The following WDR90 variants were observed in gnomAD, a reference collection of about 807,000 sequenced individuals.
The protein encoded by WDR90 is WD repeat domain 90.
In WDR90, 238 loss-of-function variants were observed where a neutral mutation model predicts 195.2. The ratio of observed to expected loss-of-function variants is 1.22; its 90% CI spans 1.10 to 1.36. WDR90 has a LOEUF of 1.36. Among genes scored for constraint, WDR90 ranks in the 40% most tolerant of loss-of-function variants. The pLI is 0.00. For synonymous variants in WDR90, 1,265 were observed against 1,052.4 expected, an observed-to-expected ratio of 1.20 and a Z score of -3.91; for missense variants, 2,734 against 2,439.5, an observed-to-expected ratio of 1.12 and a Z score of -2.54.
In WDR90 at chr16:666,144, G is replaced by T. The variant is rs2038024597; in HGVS notation, c.4609+20G>T. On this transcript the variant is annotated intron_variant, in intron 36 of 40. Transcript: ENST00000293879. ...CCGATGGTGAGGAGTTGGGTGTGTT[G>T]GGGATGGTGCCGTCCTGACCTGGCC... is the stretch of plus-strand genomic sequence containing the variant. The T allele has an allele frequency of 1.2e-6, 2 of 1,607,612 alleles. No individual in the cohort carries two copies. The highest frequency in any genetic ancestry group is 4.5e-5 in the East Asian group (2 of 44,708).
At chr16:666,863 C>G (rs2038081758) in intron 39 of WDR90, 42 bp from the exon 40 acceptor site, 1 of 1,612,918 alleles carries the variant, frequency 6.2e-7, no homozygotes, top group Non-Finnish European at 8.5e-7. Context: ...CTGGCTGAGC[C>G]CTGAGCCCAC....
upstream of WDR90, chr16:649,326 A>G (rs73487414): frequency 2.3e-6 from 3 of 1,298,550 alleles, no homozygotes; most frequent in Admixed American, 4.1e-5. Flanking sequence ...CGGAAGTGGC[A>G]CCGTTGCCAG....
chr16:663,187 C>G, intron 34 of WDR90: 1 of 391,378 alleles, frequency 2.6e-6, no homozygotes, highest in Non-Finnish European at 5.0e-6. Flanking sequence ...CCTGTGATCC[C>G]AGCACTCTGG....
rs967108817 is a variant in WDR90 at position 661,893 on chromosome 16, G to C, written c.3867G>C (p.Val1289=). ...TGGCCACTCTCATACTTTGCCAGGT[G>C]CGTCGAGAGCCAGTCCCAGAGGCAG... ...QQRGADISLQ[V]RREPVPEAVG... is the part of the protein sequence containing the mutation. Residue 1289 remains valine, a splice_region_variant and synonymous_variant, in exon 32 of 41, where the codon GTG becomes GTC. Transcript: ENST00000293879. 1.2e-6 allele frequency: 2 copies of C among 1,607,100 alleles called. No individual in the cohort carries two copies. Among genetic ancestry groups the C allele is most frequent in the African/African-American group, 1.3e-5 (1 of 74,960 alleles).
At position 661,963 on chromosome 16, in the gene WDR90, C is replaced by T. The variant is rs1228055533; in HGVS notation, c.3937C>T (p.Leu1313=). ...CTCGCTCTGCTACGGGGCACCTCCCCTGCTCTATTGTGGCACCAGCTCTGG... is the reference window on the plus strand; with the variant it reads ...CTCGCTCTGCTACGGGGCACCTCCCTTGCTCTATTGTGGCACCAGCTCTGG... The part of the protein sequence containing the change: ...LTSLCYGAPP[L]LYCGTSSGQV... The change falls in exon 32 of 41, where the codon CTG becomes TTG. Residue 1313 remains leucine, a synonymous_variant. Transcript: ENST00000293879. 1.9e-5 allele frequency: 31 copies of T among 1,607,016 alleles called. No individual in the cohort carries two copies. Among genetic ancestry groups the T allele is most frequent in the Non-Finnish European group, 2.5e-5 (30 of 1,179,924 alleles).
chr16:662,261 A>C lies in WDR90; in HGVS notation c.4075A>C (p.Ser1359Arg). The change falls in exon 33 of 41, where the codon AGC becomes CGC. Residue 1359 changes from serine (S) to arginine (R), a missense_variant. By Grantham distance (110) the Ser-to-Arg change is moderately radical (BLOSUM62 -1). Transcript: ENST00000293879. ...GGGTTCTCGATTGGTCAGCGGCAGC[A>C]GCACGGGGCGGCTGCGCCTGTGGGC... ...FSGSRLVSGSSTGRLRLWAVG... is the reference protein window; with the variant it reads ...FSGSRLVSGSRTGRLRLWAVG... 1 of 1,585,524 alleles carries C rather than the reference A, an allele frequency of 6.3e-7. No individual in the cohort carries two copies. The highest frequency in any genetic ancestry group is 1.8e-5 in the Admixed American group (1 of 55,966).
chr16:658,605 G>A lies in WDR90; in HGVS notation c.2847G>A (p.Arg949=). The A allele has an allele frequency of 6.2e-7, 1 of 1,612,712 alleles. No individual in the cohort carries two copies. The highest frequency in any genetic ancestry group is 8.5e-7 in the Non-Finnish European group (1 of 1,179,916). ...DARFLLIAAG[R]TIKVWDYATQ... is the part of the protein sequence containing the mutation. The stretch of plus-strand genomic sequence containing the variant: ...GCTTCCTGCTGATTGCCGCCGGCCG[G>A]ACCATCAAGGTGTGGGACTACGCCA... Residue 949 remains arginine (R), a synonymous_variant, in exon 23 of 41, where the codon CGG becomes CGA. Coordinates refer to ENST00000293879, the MANE Select transcript of WDR90 (RefSeq NM_145294.5).
chr16:660,478 C>T (rs2037872219), intron 27 of WDR90, 134 bp from the exon 28 acceptor site: 1 of 907,376 alleles, frequency 1.1e-6, no homozygotes, highest in South Asian at 1.6e-5. Flanking sequence ...CCTCCTACCC[C>T]AGCTTCCCCG....
chr16:650,555 C>A lies in WDR90; in HGVS notation c.405C>A (p.Ala135=), dbSNP rs766415695. 5 of 1,609,876 alleles carry A rather than the reference C, an allele frequency of 3.1e-6. No homozygotes were observed. The highest frequency in any genetic ancestry group is 3.4e-6 in the Non-Finnish European group (4 of 1,177,990). Residue 135 remains alanine, a synonymous_variant, in exon 5 of 41, where the codon GCC becomes GCA. Coordinates refer to ENST00000293879, the MANE Select transcript of WDR90 (RefSeq NM_145294.5). ...RTPQRDLVGL[A]PSGARWTCLQ... ...ATCCTGCAGATCTGGTGGGTTTGGC[C>A]CCCTCCGGAGCCCGCTGGACCTGCC...
Position 658,988 on chromosome 16 carries a change from G to C in WDR90, c.2988G>C (p.Trp996Cys), listed in dbSNP as rs754582772. 1.4e-5 allele frequency: 23 copies of C among 1,612,948 alleles called. No homozygotes were observed. The South Asian group carries it at 2.0e-4, about 14-fold the overall frequency. Reference protein sequence around the residue: ...VLSAGDAVFLWDVLAPTESDQ... With the variant: ...VLSAGDAVFLCDVLAPTESDQ... ...GCGCAGGGGACGCCGTCTTCCTCTG[G>C]GATGTCCTGGCCCCTACTGAGAGGC... is the stretch of plus-strand genomic sequence containing the variant. The change falls in exon 24 of 41, where the codon TGG (tryptophan) becomes TGC (cysteine). Residue 996 changes from tryptophan to cysteine, a missense_variant. Trp to Cys is a radical substitution (Grantham distance 215). Transcript: ENST00000293879.
Position 666,461 on chromosome 16 carries a change from G to A in WDR90, c.4747G>A (p.Asp1583Asn). 6.2e-7 allele frequency: 1 copy of A among 1,611,798 alleles called. No individual in the cohort carries two copies. Among genetic ancestry groups the A allele is most frequent in the South Asian group, 1.1e-5 (1 of 91,034 alleles). Residue 1583 changes from aspartate to asparagine, a missense_variant, in exon 38 of 41, where the codon GAC becomes AAC. Asp to Asn is a conservative substitution (Grantham distance 23). Coordinates refer to ENST00000293879, the MANE Select transcript of WDR90 (RefSeq NM_145294.5). The stretch of plus-strand genomic sequence containing the variant: ...TCACCCACTCCATTCCCAGTGTGAA[G>A]ACTTAGGGGTGGAGGGCACAGACCT... ...TICVTCKECEDLGVEGTDLWL... is the reference protein window; with the variant it reads ...TICVTCKECENLGVEGTDLWL...
At chr16:663,299 C>G (rs534287817) in intron 34 of WDR90, 38 of 338,634 alleles carry the variant, frequency 1.1e-4, no homozygotes, top group Non-Finnish European at 1.7e-4. Context: ...TTAGCCGGGC[C>G]TCTTGATGTA....
chr16:661,771 C>T lies in WDR90; in HGVS notation c.3848C>T (p.Ala1283Val), dbSNP rs980517841. Reference protein sequence around the residue: ...VTFWLLQQRGADISLQVRREP... With the variant: ...VTFWLLQQRGVDISLQVRREP... ...TTCTGGCTCCTTCAGCAGCGTGGGG[C>T]AGACATCAGCCTTCAGGTGCCACCC... The change falls in exon 31 of 41, where the codon GCA becomes GTA. Residue 1283 changes from alanine (A) to valine (V), a missense_variant. Physicochemically the swap from Ala to Val is moderately conservative, Grantham distance 64. Transcript: ENST00000293879. 1.9e-6 allele frequency: 3 copies of T among 1,603,234 alleles called. No homozygotes were observed. In the African/African-American group the frequency reaches 4.0e-5, roughly 21 times the overall value.
chr16:665,705 G>C lies in WDR90; in HGVS notation c.4338G>C (p.Gly1446=). 6.2e-7 allele frequency: 1 copy of C among 1,612,668 alleles called. No individual in the cohort carries two copies. Among genetic ancestry groups the C allele is most frequent in the South Asian group, 1.1e-5 (1 of 91,078 alleles). ...TGAACGAGGTGGTCTTCAGCCCCGG[G>C]GAGTCCCACTGCGCCACATGCAGTG... The part of the protein sequence containing the change: ...SKVNEVVFSP[G]ESHCATCSED... The change falls in exon 35 of 41, where the codon GGG becomes GGC. Residue 1446 remains glycine (G), a synonymous_variant. Coordinates refer to ENST00000293879, the MANE Select transcript of WDR90 (RefSeq NM_145294.5).
In WDR90 at chr16:655,567, G is replaced by T; in HGVS notation, c.1719-6G>T. ...GCCTCACCTTCCCTGCCGCCTCCTCGGGCAGCTTCGTGTGCAGCCGCAGTG... is the reference window on the plus strand; with the variant it reads ...GCCTCACCTTCCCTGCCGCCTCCTCTGGCAGCTTCGTGTGCAGCCGCAGTG... On this transcript the variant is annotated splice_polypyrimidine_tract_variant and splice_region_variant and intron_variant, in intron 15 of 40. Transcript: ENST00000293879. The T allele has an allele frequency of 6.3e-7, 1 of 1,582,754 alleles. No individual in the cohort carries two copies.
chr16:653,467 G>T lies in WDR90; in HGVS notation c.1233+16G>T. ...CACAGACAAGGTGGGTGCTGCCCGG[G>T]CCTGGGGCAGCTCACACCTGCAGCC... On this transcript the variant is annotated intron_variant, in intron 11 of 40. Transcript: ENST00000293879. 2 of 1,612,448 alleles carry T rather than the reference G, an allele frequency of 1.2e-6. No individual in the cohort carries two copies. The highest frequency in any genetic ancestry group is 2.2e-5 in the South Asian group (2 of 91,074).
intron 4 of WDR90, 78 bp from the exon 5 acceptor site, chr16:650,461 C>CG: frequency 1.3e-6 from 2 of 1,583,186 alleles, no homozygotes; most frequent in East Asian, 4.5e-5. Context: ...GACAACCTGG[C>CG]GGGGGCACAA....
Position 655,415 on chromosome 16 carries a change from C to A in WDR90, c.1665C>A (p.Asp555Glu). ...LGEHHALQFT[D>E]LAFKQARDGC... Reference sequence around the variant, plus strand: ...AGCACCACGCGCTGCAGTTCACCGACCTGGCCTTCAAGCAGGCCCGGGACG... The same window carrying A: ...AGCACCACGCGCTGCAGTTCACCGAACTGGCCTTCAAGCAGGCCCGGGACG... Residue 555 changes from aspartate to glutamate, a missense_variant, in exon 15 of 41, where the codon GAC becomes GAA. By Grantham distance (45) the Asp-to-Glu change is conservative. Coordinates refer to ENST00000293879, the MANE Select transcript of WDR90 (RefSeq NM_145294.5). 6.3e-7 allele frequency: 1 copy of A among 1,587,550 alleles called. No homozygotes were observed. The highest frequency in any genetic ancestry group is 8.5e-7 in the Non-Finnish European group (1 of 1,171,384).
At chr16:659,979 G>C (rs2037859430) in intron 26 of WDR90, 79 bp from the exon 27 acceptor site, 2 of 1,096,352 alleles carry the variant, frequency 1.8e-6, no homozygotes, top group East Asian at 5.3e-5. Flanking sequence ...AGGGGCTTGT[G>C]GGGAGACTGC....
Sources: gnomAD v4.1 joint callset for allele counts on GRCh38, gnomAD v4.1.1 for gene constraint, MANE v1.5 for transcripts, NCBI Gene and HGNC (gene_info 2026-07-23, HGNC 2026-07-21) for gene names.